The following LAMC2 variants were observed in gnomAD, a reference collection of about 807,000 sequenced individuals.
LAMC2 encodes laminin subunit gamma 2, also known as laminin subunit gamma-2.
LAMC2 carries 97 observed loss-of-function variants against 140.2 expected under a neutral mutation model. The observed-to-expected ratio is 0.69, with a 90% confidence interval of 0.59 to 0.82. The LOEUF is 0.82. Among genes scored for constraint, LAMC2 ranks in the 40% least tolerant of loss-of-function variants. The pLI, the probability that LAMC2 is intolerant of heterozygous loss-of-function variation, is 0.00. For synonymous variants in LAMC2, 513 were observed against 540.2 expected, an observed-to-expected ratio of 0.95 and a Z score of 0.70; for missense variants, 1,402 against 1,476.1, an observed-to-expected ratio of 0.95 and a Z score of 0.82.
intron 8 of LAMC2, 141 bp from the exon 9 acceptor site, chr1:183,226,557 C>T (rs2102229666): frequency 1.3e-6 from 1 of 758,088 alleles, no homozygotes; most frequent in South Asian, 1.5e-5. Flanking sequence ...GGGAGACTGC[C>T]ATACCTCTCT....
intron 7 of LAMC2, among the ~76,000 whole-genome samples, chr1:183,225,228 T>C (rs1659590516): frequency 6.6e-6 from 1 of 152,128 alleles, no homozygotes; most frequent in South Asian, 2.1e-4. Flanking sequence ...AATGATTTTT[T>C]TTAAAAAAAA....
intron 1 of LAMC2, among the ~76,000 whole-genome samples, chr1:183,192,938 C>G (rs1001728974): frequency 2.6e-4 from 40 of 152,306 alleles, no homozygotes; most frequent in African/African-American, 8.9e-4. Flanking sequence ...GTCTCCTGAC[C>G]TCGTGATCTG....
At chr1:183,232,551 T>TGCA (rs1659832227) in intron 13 of LAMC2, 101 bp from the exon 14 acceptor site, 1 of 1,191,152 alleles carries the variant, frequency 8.4e-7, no homozygotes, top group Non-Finnish European at 1.2e-6. Context: ...CTCTATTGGG[T>TGCA]TTTTGTCATT....
rs1216926053 is a variant in LAMC2 at position 183,244,162 on chromosome 1, C to CT, written c.*767dup. The CT allele has an allele frequency of 7.9e-5, 12 of 152,334 alleles. No individual in the cohort carries two copies. Among genetic ancestry groups the CT allele is most frequent in the African/African-American group, 2.2e-4 (9 of 41,566 alleles). 9.4% of individuals were successfully genotyped at this position (152,334 alleles called of 1,614,324 possible). A position where few individuals can be genotyped will look rare whatever the true frequency, so the allele number is the denominator to read the frequency against. ...AAAGCAAATGTTGGGAAAGTATTTACTTTTTCGGTTTCAAAGTGATAGAAA... is the reference window on the plus strand; with the variant it reads ...AAAGCAAATGTTGGGAAAGTATTTACTTTTTTCGGTTTCAAAGTGATAGAAA... On this transcript the variant is annotated 3_prime_UTR_variant, in exon 23 of 23. Transcript: ENST00000264144.
At chr1:183,207,783 C>A in intron 1 of LAMC2, 98 bp from the exon 2 acceptor site, 2 of 1,042,784 alleles carry the variant, frequency 1.9e-6, no homozygotes, top group South Asian at 1.3e-5. Flanking sequence ...AGTACTCATG[C>A]ATAATTTCTA....
chr1:183,218,293 AGCTTCGTGAT>A (rs1386277792), intron 3 of LAMC2, 87 bp from the exon 4 acceptor site: 13 of 982,392 alleles, frequency 1.3e-5, no homozygotes, highest in Non-Finnish European at 2.1e-5. Context: ...AGGACTGCCC[AGCTTCGTGAT>A]GTTTGCTCAT....
At chr1:183,202,627 G>T (rs1179936163) in intron 1 of LAMC2, among the ~76,000 whole-genome samples, 1 of 152,082 alleles carries the variant, frequency 6.6e-6, no homozygotes, top group East Asian at 1.9e-4. Flanking sequence ...TATGAAAATA[G>T]AACTAAAACA....
At chr1:183,192,791 G>T (rs533445393) in intron 1 of LAMC2, among the ~76,000 whole-genome samples, 1 of 152,130 alleles carries the variant, frequency 6.6e-6, no homozygotes, top group South Asian at 2.1e-4. Flanking sequence ...CAACCTCCCC[G>T]CCTCCCAGCT....
rs200039434 is a variant in LAMC2 at position 183,226,690 on chromosome 1, G to A, written c.1067-8G>A. 50 of 1,612,444 alleles carry A rather than the reference G, an allele frequency of 3.1e-5. No individual in the cohort carries two copies. Among genetic ancestry groups the A allele is most frequent in the Middle Eastern group, 3.3e-4 (2 of 6,078 alleles). On this transcript the variant is annotated splice_polypyrimidine_tract_variant and splice_region_variant and intron_variant, in intron 8 of 22. Transcript: ENST00000264144. ...CTTGCAACTTCTAACCTGTTCTCTC[G>A]ATTGCAGGTACTGGGTACATTGACA...
At chr1:183,231,292 C>T (rs1009981422) in intron 12 of LAMC2, among the ~76,000 whole-genome samples, 189 bp downstream of exon 12, 1 of 152,138 alleles carries the variant, frequency 6.6e-6, no homozygotes, top group Non-Finnish European at 1.5e-5. Context: ...AGGTTTATGT[C>T]TTTATATATA....
At chr1:183,208,168 A>G in intron 2 of LAMC2, 99 bp downstream of exon 2, 1 of 1,177,474 alleles carries the variant, frequency 8.5e-7, no homozygotes, top group Non-Finnish European at 1.3e-6. Flanking sequence ...GGAACAACGG[A>G]GGAAAAAGAA....
the LAMC2 span, among the ~76,000 whole-genome samples, chr1:183,255,662 G>GTTT: frequency 9.9e-6 from 1 of 100,942 alleles, no homozygotes; most frequent in African/African-American, 3.8e-5. Flanking sequence ...ATTCCTAAGG[G>GTTT]TTTTTTTTTT....
intron 17 of LAMC2, 37 bp downstream of exon 17, chr1:183,236,641 G>A: frequency 1.9e-6 from 3 of 1,610,744 alleles, no homozygotes; most frequent in Non-Finnish European, 2.5e-6. Flanking sequence ...ATATACAGGA[G>A]GGCCATAAAT....
chr1:183,217,470 C>G (rs1473321700), intron 3 of LAMC2, among the ~76,000 whole-genome samples: 1 of 152,232 alleles, frequency 6.6e-6, no homozygotes, highest in African/African-American at 2.4e-5. Context: ...TGCACAAAAA[C>G]TTGTACACAC....
intron 9 of LAMC2, among the ~76,000 whole-genome samples, chr1:183,227,243 G>C (rs940736173): frequency 1.3e-5 from 2 of 152,190 alleles, no homozygotes; most frequent in Non-Finnish European, 2.9e-5. Flanking sequence ...GACAAATGGT[G>C]TCAGGCCACA....
In LAMC2 at chr1:183,228,627, T is replaced by A. The variant is rs1245580059; in HGVS notation, c.1714+8T>A. On this transcript the variant is annotated splice_region_variant and intron_variant, in intron 11 of 22. Coordinates refer to ENST00000264144, the MANE Select transcript of LAMC2 (RefSeq NM_005562.3). The surrounding 1 kb of genome is among the most constrained non-coding windows in gnomAD (Gnocchi z 4.3). ...CAGCAGACAAGTGTCGAGGTAGGAC[T>A]CCACCCCAGGCAGGCTGTGTCTGTG... 2.5e-6 allele frequency: 4 copies of A among 1,613,754 alleles called. No individual in the cohort carries two copies. In the African/African-American group the frequency reaches 5.3e-5, roughly 22 times the overall value.
the LAMC2 span, chr1:183,251,995 G>A: frequency 6.4e-6 from 1 of 155,306 alleles, no homozygotes; most frequent in South Asian, 2.0e-4. Context: ...CTTCTCTACT[G>A]GGTGTGGCCC....
intron 22 of LAMC2, among the ~76,000 whole-genome samples, chr1:183,242,281 A>G (rs1447730427): frequency 6.6e-6 from 1 of 152,242 alleles, no homozygotes; most frequent in Non-Finnish European, 1.5e-5. Context: ...ATTTGGATCA[A>G]CATTTTTGTT....
Position 183,225,664 on chromosome 1 carries a change from G to C in LAMC2, c.1010G>C (p.Arg337Pro). The part of the protein sequence containing the change: ...WSPQLSYFEY[R>P]RLLRNLTALR... ...CCCCAGCTGAGTTACTTTGAGTATCGAAGGTTACTGCGGAATCTCACAGCC... is the reference window on the plus strand; with the variant it reads ...CCCCAGCTGAGTTACTTTGAGTATCCAAGGTTACTGCGGAATCTCACAGCC... Residue 337 changes from arginine (R) to proline (P), a missense_variant, in exon 8 of 23, where the codon CGA becomes CCA. Arg to Pro is a moderately radical substitution (Grantham distance 103). Transcript: ENST00000264144. 1.2e-6 allele frequency: 2 copies of C among 1,614,022 alleles called. No individual in the cohort carries two copies. Among genetic ancestry groups the C allele is most frequent in the Non-Finnish European group, 1.7e-6 (2 of 1,179,930 alleles).
Sources: allele counts gnomAD v4.1 joint callset (sites outside exome capture counted in the v4.1 genomes callset), GRCh38; gene constraint gnomAD v4.1.1; non-coding constraint Gnocchi (gnomAD v3.1); transcripts MANE v1.5; gene names NCBI Gene and HGNC (gene_info 2026-07-23, HGNC 2026-07-21).